The following MGST1 variants were observed in gnomAD, a reference collection of about 807,000 sequenced individuals.
MGST1 encodes microsomal glutathione S-transferase 1, also known as glutathione S-transferase 12.
Under a neutral mutation model 8.9 loss-of-function variants are expected in MGST1, and 5 were observed. The observed-to-expected ratio is 0.56, with a 90% CI of 0.29 to 1.19. The LOEUF is 1.19. Ranked by LOEUF, MGST1 falls within the 50% of genes most tolerant of loss-of-function variation. The pLI, the probability that MGST1 is intolerant of heterozygous loss-of-function variation, is 0.08. For synonymous variants in MGST1, 54 were observed against 67.8 expected (o/e 0.80, Z 1.00); for missense variants, 182 against 187.4 (o/e 0.97, Z 0.17).
chr12:16,544,487 A>G lies in MGST1; in HGVS notation n.483-45041A>G, dbSNP rs930527328. 7.9e-5 allele frequency among the ~76,000 whole-genome samples: 12 copies of G among 152,056 alleles called. No individual in the cohort carries two copies. Among genetic ancestry groups the G allele is most frequent in the Non-Finnish European group, 8.8e-5 (6 of 67,956 alleles). The stretch of plus-strand genomic sequence containing the variant: ...GTATTCATCTCTATTTTCTAAGTAG[A>G]TAAGATTAAATGTAAATGTAGAGAA... On this transcript the variant is annotated intron_variant and non_coding_transcript_variant, in intron 4 of 4. Transcript: ENST00000538857. The surrounding 1 kb of genome is among the most constrained non-coding windows in gnomAD (Gnocchi z 4.8).
chr12:16,432,147 T>C (rs1429686315), intron 1 of MGST1, among the ~76,000 whole-genome samples: 1 of 152,166 alleles, frequency 6.6e-6, no homozygotes, highest in African/African-American at 2.4e-5. Flanking sequence ...TTATCTTAGA[T>C]GTATCAGATC....
At chr12:16,373,680 T>C (rs1940334923) in intron 3 of MGST1, among the ~76,000 whole-genome samples, 1 of 152,110 alleles carries the variant, frequency 6.6e-6, no homozygotes, top group South Asian at 2.1e-4. Context: ...TTTCTCTCAT[T>C]ATTTTTCACT....
chr12:16,412,567 A>G (rs1940751367), intron 1 of MGST1, among the ~76,000 whole-genome samples: 1 of 152,168 alleles, frequency 6.6e-6, no homozygotes, highest in Non-Finnish European at 1.5e-5. Context: ...CTTGAATTGT[A>G]GCTCCCATAA....
At chr12:16,407,592 C>T (rs1219764045) in intron 1 of MGST1, among the ~76,000 whole-genome samples, 1 of 152,026 alleles carries the variant, frequency 6.6e-6, no homozygotes, top group Non-Finnish European at 1.5e-5. Flanking sequence ...TAAATTGTTG[C>T]ATCATAAAGG....
chr12:16,536,684 G>T (rs11056991), intron 4 of MGST1, among the ~76,000 whole-genome samples: 100,280 of 151,920 alleles, frequency 0.66, 33,244 homozygotes, highest in Non-Finnish European at 0.69. Context: ...TGAAAGGCAC[G>T]TCTTACATGG....
intron 4 of MGST1, among the ~76,000 whole-genome samples, chr12:16,579,456 TTGGTGA>T (rs1408366653): frequency 6.6e-6 from 1 of 152,204 alleles, no homozygotes; most frequent in Non-Finnish European, 1.5e-5. Context: ...GACTAACAAT[TTGGTGA>T]TGGTATATCA....
At chr12:16,514,280 C>T in intron 4 of MGST1, 1 of 291,186 alleles carries the variant, frequency 3.4e-6, no homozygotes, top group South Asian at 3.4e-5. Flanking sequence ...GCAGATGAAG[C>T]CAAGAGGGTA....
intron 4 of MGST1, among the ~76,000 whole-genome samples, chr12:16,456,993 C>T (rs1043512763): frequency 2.6e-5 from 4 of 151,902 alleles, no homozygotes; most frequent in African/African-American, 9.7e-5. Context: ...CCTAAATGCA[C>T]GCGTGTCCTA....
At chr12:16,377,231 G>A (rs571099121), downstream of MGST1, 2 of 151,284 alleles carry the variant, frequency 1.3e-5, no homozygotes, top group East Asian at 3.9e-4. Context: ...GTGCCATGTT[G>A]GTGTGCTGCA....
chr12:16,401,354 G>A lies in MGST1; in HGVS notation n.778+17750G>A. On this transcript the variant is annotated intron_variant and non_coding_transcript_variant, in intron 1 of 1. Coordinates refer to the MGST1 transcript ENST00000359720. The surrounding 1 kb of genome is among the most constrained non-coding windows in gnomAD (Gnocchi z 4.3). ...CTATTGATTACTAGGAAGCTTTCAT[G>A]GAATTCAATTCCCACCCCAAATCCT... is the stretch of plus-strand genomic sequence containing the variant. 3 of 1,266,274 alleles carry A rather than the reference G, an allele frequency of 2.4e-6. No individual in the cohort carries two copies. The highest frequency in any genetic ancestry group is 3.5e-6 in the Non-Finnish European group (3 of 867,908). The allele number at this position is 1,266,274 out of a possible 1,614,324, so 78.4% of individuals were successfully genotyped here. A position where few individuals can be genotyped will look rare whatever the true frequency, so the allele number is the denominator to read the frequency against.
intron 4 of MGST1, among the ~76,000 whole-genome samples, chr12:16,469,354 T>G (rs1941277118): frequency 6.6e-6 from 1 of 151,856 alleles, no homozygotes; most frequent in Non-Finnish European, 1.5e-5. Context: ...TCCAGCTAAT[T>G]TTTTTTGTAT....
intron 1 of MGST1, among the ~76,000 whole-genome samples, chr12:16,432,014 T>G (rs975612639): frequency 6.6e-6 from 1 of 152,220 alleles, no homozygotes; most frequent in Non-Finnish European, 1.5e-5. Context: ...TTGATGATTT[T>G]AAATATTTGA....
intron 1 of MGST1, among the ~76,000 whole-genome samples, chr12:16,421,154 C>T (rs1424568844): frequency 2.0e-5 from 3 of 152,128 alleles, no homozygotes; most frequent in Non-Finnish European, 4.4e-5. Context: ...GATTACTATA[C>T]CCGTGGCTGC....
In MGST1 at chr12:16,361,839, A is replaced by C. The variant is rs1400122304; in HGVS notation, c.222-1956A>C. On this transcript the variant is annotated intron_variant, in intron 3 of 3. Coordinates refer to ENST00000396210, the MANE Select transcript of MGST1 (RefSeq NM_020300.5). This position sits in a 1 kb window ranked among gnomAD's most constrained non-coding sequence, Gnocchi z 4.2. The stretch of plus-strand genomic sequence containing the variant: ...AGAACTCAAAAGGGAGAATAAGATA[A>C]AGAGAAAATGAGGCTAGAAAAACAT... Among the ~76,000 whole-genome samples, 2 of 152,188 alleles carry C rather than the reference A, an allele frequency of 1.3e-5. No individual in the cohort carries two copies. Among genetic ancestry groups the C allele is most frequent in the Non-Finnish European group, 2.9e-5 (2 of 68,028 alleles).
chr12:16,475,488 A>C (rs775530346), intron 4 of MGST1, among the ~76,000 whole-genome samples: 36 of 152,224 alleles, frequency 2.4e-4, no homozygotes, highest in Non-Finnish European at 4.6e-4. Flanking sequence ...GATCTCTTAC[A>C]TAGTTTCTTT....
At chr12:16,432,323 C>T (rs1940944955) in intron 1 of MGST1, among the ~76,000 whole-genome samples, 1 of 152,080 alleles carries the variant, frequency 6.6e-6, no homozygotes, top group African/African-American at 2.4e-5. Flanking sequence ...CCACCACAAT[C>T]TCTTTGAAAG....
chr12:16,353,531 C>T (rs1939566598), intron 1 of MGST1: 1 of 152,142 alleles, frequency 6.6e-6, no homozygotes, highest in South Asian at 2.1e-4. Context: ...AGTGCTGCTG[C>T]TAGGTACATA....
intron 4 of MGST1, among the ~76,000 whole-genome samples, chr12:16,456,530 TTAGA>T (rs1428831774): frequency 6.6e-6 from 1 of 151,940 alleles, no homozygotes; most frequent in African/African-American, 2.4e-5. Context: ...GAATTAAAAG[TTAGA>T]TAGGAATATG....
At chr12:16,477,748 C>T (rs1398602533) in intron 4 of MGST1, among the ~76,000 whole-genome samples, 3 of 152,148 alleles carry the variant, frequency 2.0e-5, no homozygotes, top group Non-Finnish European at 2.9e-5. Flanking sequence ...GCTCCTTCTA[C>T]AGTAGGTTAG....
Sources: allele counts gnomAD v4.1 joint callset (sites outside exome capture counted in the v4.1 genomes callset), GRCh38; gene constraint gnomAD v4.1.1; non-coding constraint Gnocchi (gnomAD v3.1); transcripts MANE v1.5; gene names NCBI Gene and HGNC (gene_info 2026-07-23, HGNC 2026-07-21).